Variants in DNAH6 observed in about 807,000 individuals in gnomAD.
The protein encoded by DNAH6 is axonemal beta dynein heavy chain 6.
A neutral mutation model predicts 491.4 loss-of-function variants in DNAH6; 340 were observed. The observed-to-expected ratio is 0.69, with a 90% CI of 0.63 to 0.76. DNAH6 has a LOEUF of 0.76. Ranked by LOEUF, DNAH6 falls within the 30% of genes least tolerant of loss-of-function variation. DNAH6 has a pLI of 0.00. For missense variants in DNAH6, 4,443 were observed against 4,972.2 expected (o/e 0.89, Z 3.20); for synonymous variants, 1,603 against 1,686.1 (o/e 0.95, Z 1.21).
At chr2:84,719,541 C>T (rs190142069) in intron 59 of DNAH6, among the ~76,000 whole-genome samples, 11 of 151,848 alleles carry the variant, frequency 7.2e-5, no homozygotes, top group East Asian at 3.9e-4. Context: ...GACAGGGTTT[C>T]GCTCTGTCAC....
At chr2:84,512,276 T>G (rs181920414), upstream of DNAH6, among the ~76,000 whole-genome samples, 1 of 151,996 alleles carries the variant, frequency 6.6e-6, no homozygotes, top group African/African-American at 2.4e-5. Context: ...AAGTCCAAAG[T>G]TGAGAGGCCA....
chr2:84,464,962 T>A, the DNAH6 span, among the ~76,000 whole-genome samples: 1 of 152,112 alleles, frequency 6.6e-6, no homozygotes, highest in African/African-American at 2.4e-5. Flanking sequence ...CCTCTGACAT[T>A]TCCCCCCTCC....
At chr2:84,543,010 T>G (rs569026940) in intron 4 of DNAH6, among the ~76,000 whole-genome samples, 49 of 152,110 alleles carry the variant, frequency 3.2e-4, no homozygotes, top group African/African-American at 1.0e-3. Context: ...AATAGAAAAA[T>G]TAGCCGGGCA....
At chr2:84,728,650 CCT>C (rs1180929638) in intron 61 of DNAH6, among the ~76,000 whole-genome samples, 1 of 152,026 alleles carries the variant, frequency 6.6e-6, no homozygotes, top group Non-Finnish European at 1.5e-5. Flanking sequence ...AAACCATGAC[CCT>C]CTCTTGCCTG....
chr2:84,627,500 C>T (rs1046922011), intron 29 of DNAH6, among the ~76,000 whole-genome samples: 1 of 152,176 alleles, frequency 6.6e-6, no homozygotes, highest in East Asian at 1.9e-4. Flanking sequence ...GTGCATTTTG[C>T]TAATGATAAA....
At chr2:84,566,411 A>G (rs1681196446) in intron 11 of DNAH6, among the ~76,000 whole-genome samples, 1 of 152,074 alleles carries the variant, frequency 6.6e-6, no homozygotes, top group Non-Finnish European at 1.5e-5. Context: ...AACCCATATG[A>G]TGGACACTTT....
At chr2:84,596,343 G>T (rs1221278965) in intron 18 of DNAH6, among the ~76,000 whole-genome samples, 1 of 152,040 alleles carries the variant, frequency 6.6e-6, no homozygotes, top group Admixed American at 6.6e-5. Flanking sequence ...TTGTTTGTTT[G>T]TTTTTTGTTC....
chr2:84,717,101 AG>A (rs993492254), intron 58 of DNAH6, among the ~76,000 whole-genome samples: 2 of 152,122 alleles, frequency 1.3e-5, no homozygotes, highest in African/African-American at 4.8e-5. Flanking sequence ...TTCAACTTCA[AG>A]GAATTCCATT....
chr2:84,704,162 G>A lies in DNAH6; in HGVS notation c.8325G>A (p.Glu2775=). 2 of 1,551,858 alleles carry A rather than the reference G, an allele frequency of 1.3e-6. No homozygotes were observed. The highest frequency in any genetic ancestry group is 2.4e-5 in the East Asian group (1 of 40,914). Residue 2775 remains glutamate (E), a synonymous_variant, in exon 51 of 77, where the codon GAG becomes GAA. Transcript: ENST00000389394. ...ATGATGCTCAAAGAGATCTTGACGA[G>A]GCACTACCTGCACTAGATGCTGCCA... is the stretch of plus-strand genomic sequence containing the variant. ...IADDAQRDLD[E]ALPALDAANK...
chr2:84,543,453 G>GAAATAT lies in DNAH6; in HGVS notation c.663-780_663-779insAAATAT, dbSNP rs1372104447. 2.6e-5 allele frequency among the ~76,000 whole-genome samples: 4 copies of GAAATAT among 152,104 alleles called. No individual in the cohort carries two copies. In the East Asian group the frequency reaches 5.8e-4, roughly 22 times the overall value. On this transcript the variant is annotated intron_variant, in intron 4 of 76. Transcript: ENST00000389394. ...AAATTCCTAAATATATTTCAATAAG[G>GAAATAT]TGCTATATCATATTTCACACTTGTT...
intron 11 of DNAH6, among the ~76,000 whole-genome samples, chr2:84,570,599 T>C (rs1475401623): frequency 6.6e-6 from 1 of 152,178 alleles, no homozygotes; most frequent in Non-Finnish European, 1.5e-5. Flanking sequence ...ATCAGTACTC[T>C]GTGAAAACAC....
intron 38 of DNAH6, 113 bp from the exon 39 acceptor site, chr2:84,670,215 G>C: frequency 1.4e-6 from 1 of 695,488 alleles, no homozygotes; most frequent in Non-Finnish European, 2.3e-6. Context: ...ATTTCAATCT[G>C]GCTTTAACCT....
intron 16 of DNAH6, among the ~76,000 whole-genome samples, chr2:84,591,919 A>G (rs1217892019): frequency 6.6e-6 from 1 of 152,144 alleles, no homozygotes; most frequent in Non-Finnish European, 1.5e-5. Flanking sequence ...ATGAAGCTGA[A>G]CCCTTACACA....
chr2:84,813,054 T>G lies in DNAH6; in HGVS notation c.11926-4T>G, dbSNP rs751791447. 6 of 1,549,962 alleles carry G rather than the reference T, an allele frequency of 3.9e-6. No individual in the cohort carries two copies. The highest frequency in any genetic ancestry group is 5.2e-6 in the Non-Finnish European group (6 of 1,145,502). On this transcript the variant is annotated splice_region_variant and splice_polypyrimidine_tract_variant and intron_variant, in intron 73 of 76. Transcript: ENST00000389394. Reference sequence around the variant, plus strand: ...CGTTTATTATGAATATGTTTCTCCTTCAGCTGTGGCTCAAAAGAGGACAGC... The same window carrying G: ...CGTTTATTATGAATATGTTTCTCCTGCAGCTGTGGCTCAAAAGAGGACAGC...
chr2:84,722,863 A>G, intron 60 of DNAH6, 59 bp downstream of exon 60: 1 of 1,034,338 alleles, frequency 9.7e-7, no homozygotes, highest in Non-Finnish European at 1.3e-6. Context: ...ACACCTGTTG[A>G]ATTACTTCTT....
rs1695180209 is a variant in DNAH6 at position 84,694,396 on chromosome 2, T to C, written c.7440T>C (p.Asp2480=). The part of the protein sequence containing the change: ...QIELSRGYNY[D]SFHEDLRKLY... ...AACTCAGCCGGGGATATAATTATGA[T>C]AGTTTTCATGAAGACCTGAGGAAGT... Residue 2480 remains aspartate, a synonymous_variant, in exon 46 of 77, where the codon GAT becomes GAC. Coordinates refer to ENST00000389394, the MANE Select transcript of DNAH6 (RefSeq NM_001370.2). 1.5e-5 allele frequency: 24 copies of C among 1,552,252 alleles called. No individual in the cohort carries two copies. The East Asian group carries it at 5.6e-4, about 36-fold the overall frequency.
intron 4 of DNAH6, among the ~76,000 whole-genome samples, chr2:84,539,597 C>T (rs2365451): frequency 0.9 from 136,498 of 152,112 alleles, 61,562 homozygotes; most frequent in East Asian, 0.99. Context: ...CAGCATTTCT[C>T]AAGCCCTAAA....
intron 9 of DNAH6, among the ~76,000 whole-genome samples, chr2:84,551,900 T>G (rs1456934869): frequency 6.6e-6 from 1 of 151,996 alleles, no homozygotes; most frequent in East Asian, 1.9e-4. Context: ...ATACAAAAAT[T>G]AGCCAGGCAT....
At chr2:84,618,030 C>T (rs748262621) in intron 23 of DNAH6, among the ~76,000 whole-genome samples, 1 of 152,126 alleles carries the variant, frequency 6.6e-6, no homozygotes. Flanking sequence ...TGTGACAACT[C>T]TAGTCCTAGA....
Sources: allele counts gnomAD v4.1 joint callset (sites outside exome capture counted in the v4.1 genomes callset), GRCh38; gene constraint gnomAD v4.1.1; transcripts MANE v1.5; gene names NCBI Gene and HGNC (gene_info 2026-07-23, HGNC 2026-07-21).